SPATA31D1: variants seen among roughly 807,000 people sequenced by gnomAD.
SPATA31D1 encodes spermatogenesis-associated protein 31D1.
Under a neutral mutation model 13.2 loss-of-function variants are expected in SPATA31D1, and 6 were observed. The ratio of observed to expected loss-of-function variants is 0.46; its 90% CI spans 0.25 to 0.90. The LOEUF (loss-of-function observed/expected upper bound fraction) is 0.90. SPATA31D1 is among the 40% of genes least tolerant of loss of function. The pLI, the probability that SPATA31D1 is intolerant of heterozygous loss-of-function variation, is 0.18. For missense variants in SPATA31D1, 2,445 were observed against 1,884.7 expected, an observed-to-expected ratio of 1.30 and a Z score of -5.50; for synonymous variants, 903 against 718.8, an observed-to-expected ratio of 1.26 and a Z score of -4.10.
Position 81,991,683 on chromosome 9 carries a change from T to G in SPATA31D1, c.1213T>G (p.Ser405Ala), listed in dbSNP as rs1424007968. The G allele has an allele frequency of 1.2e-6, 2 of 1,613,758 alleles. No individual in the cohort carries two copies. Among genetic ancestry groups the G allele is most frequent in the African/African-American group, 2.7e-5 (2 of 74,876 alleles). ...VANLIEPVNI[S>A]FLSHDILALL... is the part of the protein sequence containing the mutation. ...CAACCTCATAGAGCCTGTTAACATC[T>G]CATTTCTCAGCCATGACATTCTGGC... Residue 405 changes from serine to alanine, a missense_variant, in exon 4 of 4, where the codon TCA becomes GCA. Coordinates refer to ENST00000344803, the MANE Select transcript of SPATA31D1 (RefSeq NM_001001670.3).
At chr9:81,990,290 A>G in intron 2 of SPATA31D1, 127 bp from the exon 3 acceptor site, 3 of 664,586 alleles carry the variant, frequency 4.5e-6, no homozygotes, top group Non-Finnish European at 2.5e-6. Context: ...AATATTATCA[A>G]TGACTATTTT....
At position 81,995,060 on chromosome 9, in the gene SPATA31D1, T is replaced by G; in HGVS notation, c.4590T>G (p.Thr1530=). The G allele has an allele frequency of 6.2e-7, 1 of 1,613,600 alleles. No individual in the cohort carries two copies. The highest frequency in any genetic ancestry group is 8.5e-7 in the Non-Finnish European group (1 of 1,179,728). ...HRKPVPHPNP[T]CRRQVSLVCP... ...AGCCTGTGCCACATCCAAACCCCAC[T>G]TGCCGGCGTCAGGTCAGCCTGGTGT... The change falls in exon 4 of 4, where the codon ACT becomes ACG. Residue 1530 remains threonine (T), a synonymous_variant. Coordinates refer to ENST00000344803, the MANE Select transcript of SPATA31D1 (RefSeq NM_001001670.3).
Position 81,992,792 on chromosome 9 carries a change from A to C in SPATA31D1, c.2322A>C (p.Gly774=), listed in dbSNP as rs1294741646. 1 of 1,613,716 alleles carries C rather than the reference A, an allele frequency of 6.2e-7. No individual in the cohort carries two copies. The highest frequency in any genetic ancestry group is 1.3e-5 in the African/African-American group (1 of 74,938). The change falls in exon 4 of 4, where the codon GGA becomes GGC. Residue 774 remains glycine (G), a synonymous_variant. Transcript: ENST00000344803. Reference sequence around the variant, plus strand: ...TGGAGAATGTGGGGAATTATCAGGGATACAGCCAGGAGACTGTCCCAAAAG... The same window carrying C: ...TGGAGAATGTGGGGAATTATCAGGGCTACAGCCAGGAGACTGTCCCAAAAG... ...LSMENVGNYQ[G]YSQETVPKDH... is the part of the protein sequence containing the mutation.
Position 81,993,001 on chromosome 9 carries a change from G to T in SPATA31D1, c.2531G>T (p.Gly844Val), listed in dbSNP as rs763574014. The T allele has an allele frequency of 7.4e-6, 12 of 1,613,740 alleles. No homozygotes were observed. The highest frequency in any genetic ancestry group is 1.1e-5 in the South Asian group (1 of 91,070). ...AAGAAATTTGAGGAAATCAATGAGG[G>T]TCGAATGCCTGGGACTGTGCATAGT... ...LSKKFEEINE[G>V]RMPGTVHSSW... The change falls in exon 4 of 4, where the codon GGT (glycine) becomes GTT (valine). Residue 844 changes from glycine to valine, a missense_variant. Coordinates refer to ENST00000344803, the MANE Select transcript of SPATA31D1 (RefSeq NM_001001670.3).
rs771134839 is a variant in SPATA31D1, at chr9:81,992,324, A to G, written c.1854A>G (p.Pro618=). Residue 618 remains proline (P), a synonymous_variant, in exon 4 of 4, where the codon CCA becomes CCG. Transcript: ENST00000344803. ...AGAACGAGGCACGGTCTCTTTTGCCATCTGAAATTAACCATCTGGAGTGGA... is the reference window on the plus strand; with the variant it reads ...AGAACGAGGCACGGTCTCTTTTGCCGTCTGAAATTAACCATCTGGAGTGGA... The part of the protein sequence containing the change: ...RPQNEARSLL[P]SEINHLEWNV... The G allele has an allele frequency of 2.0e-5, 32 of 1,613,688 alleles. No homozygotes were observed. The highest frequency in any genetic ancestry group is 2.6e-5 in the Non-Finnish European group (31 of 1,179,736).
In SPATA31D1 at chr9:81,993,844, A is replaced by C. The variant is rs1481239938; in HGVS notation, c.3374A>C (p.Glu1125Ala). The C allele has an allele frequency of 6.2e-7, 1 of 1,614,008 alleles. No individual in the cohort carries two copies. The highest frequency in any genetic ancestry group is 2.2e-5 in the East Asian group (1 of 44,860). ...ATAATGCAAGCTGGAGCTGGCTGTG[A>C]GTCATGGGATAAGAGAAAGAGTTCC... ...LPIMQAGAGC[E>A]SWDKRKSSFH... Residue 1125 changes from glutamate (E) to alanine (A), a missense_variant, in exon 4 of 4, where the codon GAG (glutamate) becomes GCG (alanine). Transcript: ENST00000344803.
chr9:81,990,845 C>T lies in SPATA31D1; in HGVS notation c.375C>T (p.Cys125=). 3 of 1,613,946 alleles carry T rather than the reference C, an allele frequency of 1.9e-6. No homozygotes were observed. The highest frequency in any genetic ancestry group is 2.7e-5 in the African/African-American group (2 of 75,042). ...HDTNHFRRLL[C]PDPVCRVCKR... ...CCAACCACTTTCGTCGACTGTTATG[C>T]CCAGACCCCGTCTGTCGGGTGTGTA... Residue 125 remains cysteine (C), a synonymous_variant, in exon 4 of 4, where the codon TGC becomes TGT. Transcript: ENST00000344803.
chr9:81,993,280 C>T lies in SPATA31D1; in HGVS notation c.2810C>T (p.Thr937Ile), dbSNP rs376368008. The change falls in exon 4 of 4, where the codon ACT becomes ATT. Residue 937 changes from threonine (T) to isoleucine (I), a missense_variant. Thr to Ile is a moderately conservative substitution (Grantham distance 89). Transcript: ENST00000344803. Reference protein sequence around the residue: ...EIFKSKADLSTSFSHFDLPSS... With the variant: ...EIFKSKADLSISFSHFDLPSS... ...TTCAAATCGAAAGCGGACCTTTCCA[C>T]TTCCTTTTCCCATTTCGACCTTCCC... The T allele has an allele frequency of 6.2e-7, 1 of 1,614,016 alleles. No individual in the cohort carries two copies. Among genetic ancestry groups the T allele is most frequent in the Admixed American group, 1.7e-5 (1 of 60,026 alleles).
At chr9:81,990,184 G>A (rs1824922928) in intron 2 of SPATA31D1, 2 of 535,232 alleles carry the variant, frequency 3.7e-6, no homozygotes, top group Non-Finnish European at 6.6e-6. Flanking sequence ...GGTAACCACT[G>A]ATGTCTGTGT....
rs374748941 is a variant in SPATA31D1 at position 81,988,880 on chromosome 9, A to G, written c.62A>G (p.His21Arg). The G allele has an allele frequency of 4.3e-6, 7 of 1,612,782 alleles. No individual in the cohort carries two copies. The highest frequency in any genetic ancestry group is 1.8e-4 in the Middle Eastern group (1 of 5,438). ...GAGACAGGGCTGAGCCCTGACTCAC[A>G]TTGGTTGGATATCGACCCCAACTTC... ...YTETGLSPDS[H>R]WLDIDPNFIC... is the part of the protein sequence containing the mutation. Residue 21 changes from histidine to arginine, a missense_variant, in exon 1 of 4, where the codon CAT becomes CGT. Transcript: ENST00000344803.
chr9:81,992,588 C>A lies in SPATA31D1; in HGVS notation c.2118C>A (p.Ile706=), dbSNP rs558976705. 6.2e-7 allele frequency: 1 copy of A among 1,612,466 alleles called. No individual in the cohort carries two copies. The highest frequency in any genetic ancestry group is 1.3e-5 in the African/African-American group (1 of 75,014). ...IQRRWGLPRR[I]HESLSLLRPQ... ...GCAGATGGGGCCTGCCCCGCAGAAT[C>A]CATGAGTCTCTGTCATTGCTACGTC... is the stretch of plus-strand genomic sequence containing the variant. Residue 706 remains isoleucine (I), a synonymous_variant, in exon 4 of 4, where the codon ATC becomes ATA. Coordinates refer to ENST00000344803, the MANE Select transcript of SPATA31D1 (RefSeq NM_001001670.3).
Position 81,994,841 on chromosome 9 carries a change from TC to T in SPATA31D1, c.4374del (p.Cys1459AlafsTer10). 2 of 1,613,952 alleles carry T rather than the reference TC, an allele frequency of 1.2e-6. No homozygotes were observed. Among genetic ancestry groups the T allele is most frequent in the East Asian group, 2.2e-5 (1 of 44,862 alleles). On this transcript the variant is annotated frameshift_variant, in exon 4 of 4. Transcript: ENST00000344803. LOFTEE classifies it low-confidence loss of function (END_TRUNC). ...HVRAEPVQGC[P>X]CNYRAPSCKV... ...TCAGAGCAGAGCCTGTCCAGGGCTG[TC>T]CCTGCAACTACAGGGCTCCCTCCTG...
Position 81,988,950 on chromosome 9 carries a change from C to T in SPATA31D1, c.132C>T (p.Tyr44=), listed in dbSNP as rs1397482654. The T allele has an allele frequency of 2.7e-5, 43 of 1,611,904 alleles. No homozygotes were observed. The highest frequency in any genetic ancestry group is 2.1e-4 in the Middle Eastern group (1 of 4,758). Residue 44 remains tyrosine, a synonymous_variant, in exon 1 of 4, where the codon TAC becomes TAT. Coordinates refer to ENST00000344803, the MANE Select transcript of SPATA31D1 (RefSeq NM_001001670.3). The part of the protein sequence containing the change: ...GLGLFILYLF[Y]VVLTLYSSPT... ...GGTTGTTTATACTGTACTTGTTCTA[C>T]GTGGTATTGACCCTGTATTCGTCAC...
In SPATA31D1 at chr9:81,994,502, T is replaced by G. The variant is rs765139833; in HGVS notation, c.4032T>G (p.Pro1344=). 6.2e-7 allele frequency: 1 copy of G among 1,613,394 alleles called. No individual in the cohort carries two copies. The highest frequency in any genetic ancestry group is 8.5e-7 in the Non-Finnish European group (1 of 1,179,658). ...CTTCCCCAACCTTGAAAACACAGCC[T>G]CCTCCTGAAAACCTTTTCAGAAAAT... The part of the protein sequence containing the change: ...SKSSPTLKTQ[P]PPENLFRKWM... The change falls in exon 4 of 4, where the codon CCT becomes CCG. Residue 1344 remains proline (P), a synonymous_variant. Transcript: ENST00000344803.
rs1426187164 is a variant in SPATA31D1 at position 81,994,821 on chromosome 9, G to A, written c.4351G>A (p.Ala1451Thr). 1.2e-6 allele frequency: 2 copies of A among 1,613,924 alleles called. No homozygotes were observed. Among genetic ancestry groups the A allele is most frequent in the South Asian group, 1.1e-5 (1 of 91,082 alleles). ...AQHNPEVHVR[A>T]EPVQGCPCNY... The stretch of plus-strand genomic sequence containing the variant: ...GCACAACCCAGAAGTGCATGTCAGA[G>A]CAGAGCCTGTCCAGGGCTGTCCCTG... The change falls in exon 4 of 4, where the codon GCA becomes ACA. Residue 1451 changes from alanine (A) to threonine (T), a missense_variant. Ala to Thr is a moderately conservative substitution (Grantham distance 58, BLOSUM62 0). Coordinates refer to ENST00000344803, the MANE Select transcript of SPATA31D1 (RefSeq NM_001001670.3).
chr9:81,990,668 G>T, intron 3 of SPATA31D1, 105 bp from the exon 4 acceptor site: 4 of 1,425,006 alleles, frequency 2.8e-6, no homozygotes, highest in Non-Finnish European at 2.9e-6. Context: ...CTCATATACG[G>T]TGAGGTCCTG....
rs767977565 is a variant in SPATA31D1, at chr9:81,994,191, T to G, written c.3721T>G (p.Ser1241Ala). The part of the protein sequence containing the change: ...NLSSKDLLTN[S>A]QGISSGDMGT... ...GAGTTCCAAGGACTTACTGACTAATTCCCAGGGCATCTCGAGTGGGGACAT... is the reference window on the plus strand; with the variant it reads ...GAGTTCCAAGGACTTACTGACTAATGCCCAGGGCATCTCGAGTGGGGACAT... The change falls in exon 4 of 4, where the codon TCC (serine) becomes GCC (alanine). Residue 1241 changes from serine to alanine, a missense_variant. By Grantham distance (99) the Ser-to-Ala change is moderately conservative. Transcript: ENST00000344803. 23 of 1,614,024 alleles carry G rather than the reference T, an allele frequency of 1.4e-5. No homozygotes were observed. The East Asian group carries it at 2.9e-4, about 20-fold the overall frequency.
chr9:81,990,719 C>A (rs1824935221), intron 3 of SPATA31D1, 54 bp from the exon 4 acceptor site: 1 of 1,549,998 alleles, frequency 6.5e-7, no homozygotes, highest in Non-Finnish European at 8.7e-7. Flanking sequence ...CTTTAGGGAA[C>A]CCACCCCTGC....
chr9:81,991,283 C>G lies in SPATA31D1; in HGVS notation c.813C>G (p.Ile271Met), dbSNP rs759549394. 1 of 1,614,044 alleles carries G rather than the reference C, an allele frequency of 6.2e-7. No individual in the cohort carries two copies. The highest frequency in any genetic ancestry group is 8.5e-7 in the Non-Finnish European group (1 of 1,179,898). The change falls in exon 4 of 4, where the codon ATC (isoleucine) becomes ATG (methionine). Residue 271 changes from isoleucine (I) to methionine (M), a missense_variant. Physicochemically the swap from Ile to Met is conservative, Grantham distance 10. Transcript: ENST00000344803. ...QPEASLSLNT[I>M]FSFGSTLCQD... Reference sequence around the variant, plus strand: ...AAGCCAGTTTGTCTCTGAACACCATCTTTTCATTTGGCTCCACCCTATGCC... The same window carrying G: ...AAGCCAGTTTGTCTCTGAACACCATGTTTTCATTTGGCTCCACCCTATGCC...
Sources: allele counts gnomAD v4.1 joint callset, GRCh38; gene constraint gnomAD v4.1.1; transcripts MANE v1.5; gene names NCBI Gene and HGNC (gene_info 2026-07-23, HGNC 2026-07-21).